The following LRRC37A2 variants were observed in gnomAD, a reference collection of about 807,000 sequenced individuals.
The protein encoded by LRRC37A2 is leucine rich repeat containing 37 member A2, also known as leucine-rich repeat-containing protein 37A2.
A neutral mutation model predicts 68.8 loss-of-function variants in LRRC37A2; 9 were observed. That is an observed-to-expected ratio of 0.13 (90% CI 0.08 to 0.23). The LOEUF (loss-of-function observed/expected upper bound fraction) is 0.23, where lower values mean the gene tolerates loss of function less well. Ranked by LOEUF, LRRC37A2 falls within the 10% of genes least tolerant of loss-of-function variation. LRRC37A2 has a pLI of 1.00. For synonymous variants in LRRC37A2, 63 were observed against 367.6 expected (o/e 0.17, Z 9.48); for missense variants, 168 against 950.4 (o/e 0.18, Z 10.82).
the LRRC37A2 span, among the ~76,000 whole-genome samples, chr17:46,896,856 G>C: frequency 6.6e-6 from 1 of 152,130 alleles, no homozygotes; most frequent in African/African-American, 2.4e-5. Context: ...CACAGCATGG[G>C]CCTGGGACCC....
At chr17:46,950,848 G>T in the LRRC37A2 span, among the ~76,000 whole-genome samples, 2 of 152,176 alleles carry the variant, frequency 1.3e-5, no homozygotes, top group Admixed American at 1.3e-4. Flanking sequence ...AGTGGTCTTG[G>T]GGACCACCAA....
chr17:46,863,940 G>A, the LRRC37A2 span, among the ~76,000 whole-genome samples: 21 of 152,298 alleles, frequency 1.4e-4, no homozygotes, highest in South Asian at 1.2e-3. Flanking sequence ...ACAGCTGGGC[G>A]AAGGGTGTGG....
At chr17:46,530,053 T>G (rs1368146091) in intron 6 of LRRC37A2, among the ~76,000 whole-genome samples, 12 of 148,412 alleles carry the variant, frequency 8.1e-5, no homozygotes, top group Non-Finnish European at 1.6e-4. Context: ...ACAGTCATTA[T>G]TTTTGGTGTT....
At chr17:46,830,407 G>A in the LRRC37A2 span, among the ~76,000 whole-genome samples, 3 of 151,908 alleles carry the variant, frequency 2.0e-5, no homozygotes, top group African/African-American at 7.3e-5. Context: ...ATGCACCACC[G>A]CACCTGCCTA....
the LRRC37A2 span, among the ~76,000 whole-genome samples, chr17:46,458,761 G>A: frequency 9.2e-6 from 1 of 108,804 alleles, no homozygotes; most frequent in Admixed American, 9.0e-5. Context: ...GGCTGGTCTC[G>A]AGCTCCCAAC....
the LRRC37A2 span, among the ~76,000 whole-genome samples, chr17:46,969,614 G>C: frequency 6.6e-6 from 1 of 152,236 alleles, no homozygotes; most frequent in Non-Finnish European, 1.5e-5. Flanking sequence ...TGATGAGCAG[G>C]TATAGACAGC....
the LRRC37A2 span, among the ~76,000 whole-genome samples, chr17:47,024,439 C>G: frequency 4.6e-5 from 7 of 152,012 alleles, no homozygotes; most frequent in East Asian, 9.7e-4. Flanking sequence ...TGAAATAATA[C>G]AATTTGGTGG....
chr17:46,847,410 C>T, the LRRC37A2 span, among the ~76,000 whole-genome samples: 1 of 152,242 alleles, frequency 6.6e-6, no homozygotes, highest in African/African-American at 2.4e-5. Context: ...TGCTACCTCA[C>T]AGTGCTCCAG....
chr17:46,771,832 G>A, the LRRC37A2 span, among the ~76,000 whole-genome samples: 3 of 143,876 alleles, frequency 2.1e-5, no homozygotes, highest in Non-Finnish European at 3.1e-5. Context: ...CGCGCGGTGG[G>A]GGGGCGGTGC....
chr17:46,703,693 A>C, the LRRC37A2 span, among the ~76,000 whole-genome samples: 30 of 151,478 alleles, frequency 2.0e-4, no homozygotes, highest in South Asian at 4.2e-4. Flanking sequence ...AAAAAAAAAA[A>C]AAAAAAAAAA....
chr17:46,806,431 A>G, the LRRC37A2 span, among the ~76,000 whole-genome samples: 1 of 149,962 alleles, frequency 6.7e-6, no homozygotes, highest in African/African-American at 2.5e-5. Flanking sequence ...CTGGCCTCAA[A>G]CTCCCAACCT....
At chr17:46,516,115 A>G (rs1162655486) in intron 2 of LRRC37A2, among the ~76,000 whole-genome samples, 1 of 146,684 alleles carries the variant, frequency 6.8e-6, no homozygotes, top group African/African-American at 2.6e-5. Flanking sequence ...CCTGGCTAAC[A>G]TGGTGAAACC....
At chr17:46,726,300 AGT>A in the LRRC37A2 span, among the ~76,000 whole-genome samples, 8 of 152,258 alleles carry the variant, frequency 5.3e-5, no homozygotes, top group Non-Finnish European at 8.8e-5. Flanking sequence ...GGGATGTGTC[AGT>A]TGATTAATGA....
chr17:46,809,878 C>A, the LRRC37A2 span, among the ~76,000 whole-genome samples: 1 of 152,146 alleles, frequency 6.6e-6, no homozygotes, highest in African/African-American at 2.4e-5. Context: ...CCCTGTCCAG[C>A]CCCACTTCTT....
At chr17:46,661,378 T>TTTATTATTATTATTATTATTA in the LRRC37A2 span, among the ~76,000 whole-genome samples, 66 of 106,528 alleles carry the variant, frequency 6.2e-4, no homozygotes, top group African/African-American at 2.7e-3. Flanking sequence ...TACATTTCTT[T>TTTATTATTATTATTATTATTA]TTATTATTAT....
At chr17:46,936,425 C>T in the LRRC37A2 span, 1 of 985,392 alleles carries the variant, frequency 1.0e-6, no homozygotes, top group East Asian at 1.1e-4. Context: ...GAGGGGAAGG[C>T]TGTGAGGTGG....
At chr17:46,791,666 T>C in the LRRC37A2 span, among the ~76,000 whole-genome samples, 1 of 152,224 alleles carries the variant, frequency 6.6e-6, no homozygotes, top group South Asian at 2.1e-4. Context: ...TTTCTGTAAT[T>C]TCTGTCTGCA....
chr17:46,722,310 A>G, the LRRC37A2 span: 1 of 729,400 alleles, frequency 1.4e-6, no homozygotes, highest in Non-Finnish European at 2.4e-6. Flanking sequence ...CTCCAGCCTC[A>G]GTCCTCCTGG....
chr17:46,824,043 C>A, the LRRC37A2 span, among the ~76,000 whole-genome samples: 1 of 152,088 alleles, frequency 6.6e-6, no homozygotes, highest in South Asian at 2.1e-4. Context: ...AAGCAGTCCC[C>A]CTTCAGGCGC....
Sources: allele counts gnomAD v4.1 joint callset (sites outside exome capture counted in the v4.1 genomes callset), GRCh38; gene constraint gnomAD v4.1.1; transcripts MANE v1.5; gene names NCBI Gene and HGNC (gene_info 2026-07-23, HGNC 2026-07-21).